MSI1: variants seen among roughly 807,000 people sequenced by gnomAD.
MSI1 encodes the protein musashi RNA binding protein 1.
A neutral mutation model predicts 54.4 loss-of-function variants in MSI1; 15 were observed. That is an observed-to-expected ratio of 0.28 (90% CI 0.18 to 0.42). MSI1 has a LOEUF of 0.42. Among genes scored for constraint, MSI1 ranks in the 20% least tolerant of loss-of-function variants. The pLI is 1.00. For missense variants in MSI1, 304 were observed against 506.0 expected (o/e 0.60, Z 3.83); for synonymous variants, 200 against 196.5 (o/e 1.02, Z -0.15).
At chr12:120,359,315 A>C (rs907260276) in intron 6 of MSI1, among the ~76,000 whole-genome samples, 9 of 152,212 alleles carry the variant, frequency 5.9e-5, no homozygotes, top group Non-Finnish European at 1.3e-4. Flanking sequence ...CCCATGGTGT[A>C]GATAAGAAAG....
At position 120,368,359 on chromosome 12, in the gene MSI1, GGCCCGGCCGCCCCCGCGCCAAGCT is replaced by G; in HGVS notation, c.101-110_101-87del. The G allele has an allele frequency of 7.2e-7, 1 of 1,387,348 alleles. No homozygotes were observed. The highest frequency in any genetic ancestry group is 9.6e-7 in the Non-Finnish European group (1 of 1,041,918). The allele number at this position is 1,387,348 out of a possible 1,614,324, so 85.9% of individuals were successfully genotyped here. ...CCTTTGCCCCCGGTGACCCCGGAGC[GGCCCGGCCGCCCCCGCGCCAAGCT>G]GCCCGCGCGTTCTCCACTGCCGCCG... On this transcript the variant is annotated intron_variant, in intron 2 of 14. Coordinates refer to ENST00000257552, the MANE Select transcript of MSI1 (RefSeq NM_002442.4). This position sits in a 1 kb window ranked among gnomAD's most constrained non-coding sequence, Gnocchi z 6.6.
chr12:120,353,420 G>C, intron 9 of MSI1, 41 bp from the exon 10 acceptor site: 2 of 1,580,232 alleles, frequency 1.3e-6, no homozygotes, highest in Non-Finnish European at 1.7e-6. Context: ...CTCATCCACA[G>C]GGCGGATCCT....
intron 7 of MSI1, 21 bp downstream of exon 7, chr12:120,358,983 AG>A (rs1358663060): frequency 6.4e-7 from 1 of 1,565,192 alleles, no homozygotes; most frequent in Non-Finnish European, 8.7e-7. Context: ...CAGCCTGGGA[AG>A]GGGGAGGGGG....
At chr12:120,359,204 C>T (rs975885762) in intron 6 of MSI1, 151 bp from the exon 7 acceptor site, 1 of 853,192 alleles carries the variant, frequency 1.2e-6, no homozygotes, top group East Asian at 2.7e-5. Context: ...TTTCCTTCTG[C>T]AACCCCACTG....
At chr12:120,347,355 CA>C (rs1236815446) in intron 12 of MSI1, 90 bp downstream of exon 12, 85 of 1,422,772 alleles carry the variant, frequency 6.0e-5, no homozygotes, top group Non-Finnish European at 7.9e-5. Flanking sequence ...TGTCCCTCTG[CA>C]AAGGGGTGGC....
Position 120,368,970 on chromosome 12 carries a change from C to G in MSI1, c.59+63G>C, listed in dbSNP as rs970710448. ...GGCTCCGGGGAGGCCCGGCCGGACCCGGATCGGCCATGTTGGCGGGGCCGG... is the reference window on the plus strand; with the variant it reads ...GGCTCCGGGGAGGCCCGGCCGGACCGGGATCGGCCATGTTGGCGGGGCCGG... On this transcript the variant is annotated intron_variant, in intron 1 of 14. Transcript: ENST00000257552. The surrounding 1 kb of genome is among the most constrained non-coding windows in gnomAD (Gnocchi z 6.6). 1.6e-5 allele frequency: 19 copies of G among 1,158,034 alleles called. No individual in the cohort carries two copies. The highest frequency in any genetic ancestry group is 8.3e-5 in the African/African-American group (5 of 60,344). The allele number at this position is 1,158,034 out of a possible 1,614,324, so 71.7% of individuals were successfully genotyped here.
Position 120,359,095 on chromosome 12 carries a change from G to A in MSI1, c.403-42C>T, listed in dbSNP as rs201348072. 1.3e-4 allele frequency: 203 copies of A among 1,551,250 alleles called. No homozygotes were observed. In the Middle Eastern group the frequency reaches 2.7e-3, roughly 20 times the overall value. ...CATGGAGGACCCAGCAGATACCAGC[G>A]GAACCCACTACCACCAAGGAACAGG... is the stretch of plus-strand genomic sequence containing the variant. On this transcript the variant is annotated intron_variant, in intron 6 of 14. Transcript: ENST00000257552.
rs1270520592 is a variant in MSI1, at chr12:120,357,863, C to A, written c.487G>T (p.Val163Leu). 3.1e-6 allele frequency: 5 copies of A among 1,614,044 alleles called. No homozygotes were observed. In the African/African-American group the frequency reaches 5.3e-5, roughly 17 times the overall value. The change falls in exon 8 of 15, where the codon GTG (valine) becomes TTG (leucine). Residue 163 changes from valine (V) to leucine (L), a missense_variant. This residue lies in a region of MSI1 where 105 missense variants were observed against 230.1 expected (regional missense o/e 0.46). Transcript: ENST00000257552. ...AAATGAATTTCACACACTTTCTCCA[C>A]GATGTCCTCACTCTCAAACGTGACA... ...GFVTFESEDI[V>L]EKVCEIHFHE...
At position 120,365,868 on chromosome 12, in the gene MSI1, A is replaced by G. The variant is rs375464639; in HGVS notation, c.268-1113T>C. ...TCATCTGCAAAGTGGGGACAATCAC[A>G]CCCGCTTTTCCCAGGGGCAGCTGCG... On this transcript the variant is annotated intron_variant, in intron 4 of 14. Transcript: ENST00000257552. Among the ~76,000 whole-genome samples the G allele has an allele frequency of 2.1e-3, 319 of 152,210 alleles. 2 individuals carry two copies. The highest frequency in any genetic ancestry group is 3.3e-3 in the Non-Finnish European group (221 of 67,990).
In MSI1 at chr12:120,368,782, G is replaced by T; in HGVS notation, c.100+51C>A. The stretch of plus-strand genomic sequence containing the variant: ...TGGGGTGTCCGGGTCCGGGGCGCCG[G>T]GGGGTCCGGGGTGCCCTGCCGGACC... On this transcript the variant is annotated intron_variant, in intron 2 of 14. Coordinates refer to ENST00000257552, the MANE Select transcript of MSI1 (RefSeq NM_002442.4). This position sits in a 1 kb window ranked among gnomAD's most constrained non-coding sequence, Gnocchi z 6.6. The T allele has an allele frequency of 7.3e-7, 1 of 1,373,584 alleles. No individual in the cohort carries two copies. Among genetic ancestry groups the T allele is most frequent in the Non-Finnish European group, 9.5e-7 (1 of 1,047,274 alleles). The allele number at this position is 1,373,584 out of a possible 1,614,324, so 85.1% of individuals were successfully genotyped here.
chr12:120,341,091 G>A (rs2136866866), downstream of MSI1, among the ~76,000 whole-genome samples: 1 of 151,922 alleles, frequency 6.6e-6, no homozygotes, highest in East Asian at 1.9e-4. Flanking sequence ...TCGCCATGTT[G>A]ACCAGCCTGG....
chr12:120,364,730 C>G lies in MSI1; in HGVS notation c.293G>C (p.Arg98Pro). 1 of 1,599,256 alleles carries G rather than the reference C, an allele frequency of 6.3e-7. No individual in the cohort carries two copies. The highest frequency in any genetic ancestry group is 2.3e-5 in the East Asian group (1 of 43,894). ...KTIDPKVAFP[R>P]RAQPKMVTRT... ...CACACCTACCTTGGGCTGTGCTCGC[C>G]GAGGGAAGGCCACCTTAGGGTCAAT... Residue 98 changes from arginine to proline, a missense_variant, in exon 5 of 15, where the codon CGG becomes CCG. Arg to Pro is a moderately radical substitution (Grantham distance 103). This residue lies in a region of MSI1 where 105 missense variants were observed against 230.1 expected (regional missense o/e 0.46). Coordinates refer to ENST00000257552, the MANE Select transcript of MSI1 (RefSeq NM_002442.4).
intron 8 of MSI1, among the ~76,000 whole-genome samples, chr12:120,357,524 C>T (rs111784777): frequency 3.5e-4 from 53 of 152,248 alleles, no homozygotes; most frequent in African/African-American, 1.1e-3. Flanking sequence ...TTGTTTGAGA[C>T]GGAGTCTCAC....
intron 5 of MSI1, among the ~76,000 whole-genome samples, chr12:120,364,348 C>T (rs575189030): frequency 6.6e-6 from 1 of 152,284 alleles, no homozygotes; most frequent in East Asian, 1.9e-4. Flanking sequence ...GGGTCTAAGT[C>T]TGTCCTGTAT....
Position 120,368,122 on chromosome 12 carries a change from G to A in MSI1, c.183-30C>T. The A allele has an allele frequency of 6.2e-7, 1 of 1,610,436 alleles. No homozygotes were observed. The highest frequency in any genetic ancestry group is 8.5e-7 in the Non-Finnish European group (1 of 1,178,416). On this transcript the variant is annotated intron_variant, in intron 3 of 14. Transcript: ENST00000257552. This position sits in a 1 kb window ranked among gnomAD's most constrained non-coding sequence, Gnocchi z 6.6. ...GCGCCGTAGTGAGGGAGAGGCAGAT[G>A]GTTACAAGGCAGTGAGTGGCGGGTG... is the stretch of plus-strand genomic sequence containing the variant.
chr12:120,362,540 C>A (rs986855143), intron 6 of MSI1, among the ~76,000 whole-genome samples: 41 of 152,172 alleles, frequency 2.7e-4, no homozygotes, highest in African/African-American at 9.9e-4. Context: ...ATCAGTTCCC[C>A]CCAATACCCA....
intron 8 of MSI1, among the ~76,000 whole-genome samples, chr12:120,357,596 C>T (rs946313784): frequency 2.2e-4 from 34 of 152,318 alleles, no homozygotes; most frequent in Admixed American, 2.2e-3. Context: ...ACCTCCACCT[C>T]CCGGGTTCAA....
rs1592953875 is a variant in MSI1 at position 120,368,951 on chromosome 12, G to C, written c.60-78C>G. The C allele has an allele frequency of 3.3e-6, 4 of 1,222,520 alleles. No individual in the cohort carries two copies. Among genetic ancestry groups the C allele is most frequent in the East Asian group, 4.2e-5 (1 of 23,988 alleles). The allele number at this position is 1,222,520 out of a possible 1,614,324, so 75.7% of individuals were successfully genotyped here. ...CGCAGGGGGCGCGGGCCCGGGCTCCGGGGAGGCCCGGCCGGACCCGGATCG... is the reference window on the plus strand; with the variant it reads ...CGCAGGGGGCGCGGGCCCGGGCTCCCGGGAGGCCCGGCCGGACCCGGATCG... On this transcript the variant is annotated intron_variant, in intron 1 of 14. Transcript: ENST00000257552. This position sits in a 1 kb window ranked among gnomAD's most constrained non-coding sequence, Gnocchi z 6.6.
chr12:120,357,611 T>C (rs1324378209), intron 8 of MSI1, among the ~76,000 whole-genome samples: 1 of 152,174 alleles, frequency 6.6e-6, no homozygotes, highest in African/African-American at 2.4e-5. Flanking sequence ...GTTCAAGCGA[T>C]TCTCCTGCCT....
Sources: allele counts gnomAD v4.1 joint callset (sites outside exome capture counted in the v4.1 genomes callset), GRCh38; gene constraint gnomAD v4.1.1; regional missense constraint gnomAD v4.1.1; non-coding constraint Gnocchi (gnomAD v3.1); transcripts MANE v1.5; gene names NCBI Gene and HGNC (gene_info 2026-07-23, HGNC 2026-07-21).